CACNB2: variants seen among roughly 807,000 people sequenced by gnomAD.
The protein encoded by CACNB2 is voltage-dependent L-type calcium channel subunit beta-2.
CACNB2 carries 42 observed loss-of-function variants against 73.3 expected under a neutral mutation model. The observed-to-expected ratio is 0.57, with a 90% CI of 0.45 to 0.74. The LOEUF is 0.74. Among genes scored for constraint, CACNB2 ranks in the 30% least tolerant of loss-of-function variants. CACNB2 has a pLI of 0.00. For synonymous variants in CACNB2, 348 were observed against 310.3 expected (o/e 1.12, Z -1.28); for missense variants, 940 against 853.0 (o/e 1.10, Z -1.27).
chr10:18,313,590 C>G (rs891768583), intron 2 of CACNB2, among the ~76,000 whole-genome samples: 3 of 152,136 alleles, frequency 2.0e-5, no homozygotes, highest in African/African-American at 7.2e-5. Flanking sequence ...TATCTCAACA[C>G]TTCCTTTTCC....
At chr10:18,266,545 T>A (rs988900342) in intron 2 of CACNB2, among the ~76,000 whole-genome samples, 1 of 152,032 alleles carries the variant, frequency 6.6e-6, no homozygotes, top group Non-Finnish European at 1.5e-5. Flanking sequence ...GGTTGTTCAC[T>A]CACAATTCAT....
chr10:18,189,925 T>C (rs1406241800), intron 2 of CACNB2, among the ~76,000 whole-genome samples: 1 of 152,208 alleles, frequency 6.6e-6, no homozygotes, highest in East Asian at 1.9e-4. Flanking sequence ...CCCGACACCC[T>C]GGGCACCTTG....
intron 2 of CACNB2, among the ~76,000 whole-genome samples, chr10:18,299,513 C>T (rs919562763): frequency 2.0e-5 from 3 of 152,068 alleles, no homozygotes; most frequent in Non-Finnish European, 4.4e-5. Flanking sequence ...GGTCACTTTC[C>T]CAGCCTGGGC....
rs574768372 is a variant in CACNB2 at position 18,256,596 on chromosome 10, T to TG, written c.213+105623dup. On this transcript the variant is annotated intron_variant, in intron 2 of 13. Coordinates refer to ENST00000324631, the MANE Select transcript of CACNB2 (RefSeq NM_201596.3). ...CACTCCCCCGCCTCCTCCACAGGCT[T>TG]GGATCTGTGAATTCATCATTCATTC... 119 of 152,300 alleles carry TG rather than the reference T, an allele frequency of 7.8e-4. 1 individual carries two copies. Among genetic ancestry groups the TG allele is most frequent in the African/African-American group, 2.7e-3 (112 of 41,546 alleles). The allele number at this position is 152,300 out of a possible 1,614,324, so 9.4% of individuals were successfully genotyped here.
At chr10:18,265,938 T>C (rs531126148) in intron 2 of CACNB2, among the ~76,000 whole-genome samples, 2 of 152,300 alleles carry the variant, frequency 1.3e-5, no homozygotes, top group South Asian at 4.1e-4. Flanking sequence ...GACTAGATAC[T>C]GGAAGGTAAT....
At chr10:18,400,560 TC>T in intron 2 of CACNB2, 2 of 983,068 alleles carry the variant, frequency 2.0e-6, no homozygotes, top group Non-Finnish European at 1.2e-6. Flanking sequence ...TCCCTCCGCC[TC>T]CCCCCTCCCC....
At chr10:18,262,768 A>C (rs1294858792) in intron 2 of CACNB2, among the ~76,000 whole-genome samples, 1 of 152,240 alleles carries the variant, frequency 6.6e-6, no homozygotes, top group African/African-American at 2.4e-5. Context: ...GAAGAAATCC[A>C]TGGTTATGTG....
chr10:18,538,066 C>G (rs1036939996), intron 12 of CACNB2, 114 bp from the exon 13 acceptor site: 5 of 953,734 alleles, frequency 5.2e-6, no homozygotes, highest in Admixed American at 1.7e-5. Flanking sequence ...CTTATAGAAG[C>G]AGGAGCAAGT....
chr10:18,283,024 A>G lies in CACNB2; in HGVS notation c.214-118900A>G, dbSNP rs541629083. On this transcript the variant is annotated intron_variant, in intron 2 of 13. Transcript: ENST00000324631. The stretch of plus-strand genomic sequence containing the variant: ...AAGTGGGCAAAGGATATCAACAGAC[A>G]CTTCTCAAAAGAAGACATTTATGCA... Among the ~76,000 whole-genome samples, 35 of 152,354 alleles carry G rather than the reference A, an allele frequency of 2.3e-4. No homozygotes were observed. The East Asian group carries it at 2.9e-3, about 13-fold the overall frequency.
At chr10:18,538,710 C>G (rs933003765) in intron 13 of CACNB2, among the ~76,000 whole-genome samples, 2 of 152,108 alleles carry the variant, frequency 1.3e-5, no homozygotes, top group Admixed American at 1.3e-4. Context: ...ATAATGGCAA[C>G]CTGTCCAAGA....
intron 1 of CACNB2, among the ~76,000 whole-genome samples, chr10:18,148,780 A>C (rs1402153862): frequency 6.6e-6 from 1 of 152,090 alleles, no homozygotes; most frequent in African/African-American, 2.4e-5. Context: ...GAATTGCTTA[A>C]AGTCATGAGT....
intron 3 of CACNB2, among the ~76,000 whole-genome samples, chr10:18,472,221 C>CTTTTTTT (rs200348808): frequency 4.5e-4 from 54 of 119,386 alleles, no homozygotes; most frequent in Non-Finnish European, 5.4e-4. Context: ...CACTTTTCTT[C>CTTTTTTT]TTTTTTTTTT....
chr10:18,185,832 G>A (rs1025551984), intron 2 of CACNB2, among the ~76,000 whole-genome samples: 4 of 152,026 alleles, frequency 2.6e-5, no homozygotes, highest in Non-Finnish European at 5.9e-5. Context: ...TTGGGATATG[G>A]TAGAGAACAA....
At chr10:18,207,842 A>G (rs2035158212) in intron 2 of CACNB2, among the ~76,000 whole-genome samples, 1 of 152,192 alleles carries the variant, frequency 6.6e-6, no homozygotes, top group Admixed American at 6.5e-5. Context: ...CTATTTGTCA[A>G]TTTAAAAAAT....
In CACNB2 at chr10:18,245,230, G is replaced by C. The variant is rs2036814769; in HGVS notation, c.213+94255G>C. ...AACACATACAGGCACACAGTGTGTA[G>C]AAATGTCTTCTATGTGTCTTTTTTG... On this transcript the variant is annotated intron_variant, in intron 2 of 13. Coordinates refer to ENST00000324631, the MANE Select transcript of CACNB2 (RefSeq NM_201596.3). 3.3e-5 allele frequency among the ~76,000 whole-genome samples: 5 copies of C among 149,924 alleles called. No individual in the cohort carries two copies. In the South Asian group the frequency reaches 8.3e-4, roughly 25 times the overall value.
intron 2 of CACNB2, among the ~76,000 whole-genome samples, chr10:18,304,932 T>G (rs1190849415): frequency 1.3e-5 from 2 of 152,248 alleles, no homozygotes. Context: ...TGTGCATTAT[T>G]CTTGGAATAA....
chr10:18,220,676 G>A (rs1370010126), intron 2 of CACNB2, among the ~76,000 whole-genome samples: 1 of 152,122 alleles, frequency 6.6e-6, no homozygotes, highest in Non-Finnish European at 1.5e-5. Context: ...GTGAGCGCCT[G>A]GCAAGCAAGC....
At chr10:18,443,020 A>ATATATATATATGTATATATATGTG (rs2046547343) in intron 3 of CACNB2, among the ~76,000 whole-genome samples, 1 of 107,086 alleles carries the variant, frequency 9.3e-6, no homozygotes, top group Non-Finnish European at 1.8e-5. Context: ...ATATGTATAT[A>ATATATATATATGTATATATATGTG]TATATATATA....
chr10:18,166,543 G>A (rs184136620), intron 2 of CACNB2, among the ~76,000 whole-genome samples: 26 of 152,232 alleles, frequency 1.7e-4, no homozygotes, highest in African/African-American at 5.5e-4. Flanking sequence ...TGTTTTAATC[G>A]CTAAACTCAT....
Sources: allele counts gnomAD v4.1 joint callset (sites outside exome capture counted in the v4.1 genomes callset), GRCh38; gene constraint gnomAD v4.1.1; transcripts MANE v1.5; gene names NCBI Gene and HGNC (gene_info 2026-07-23, HGNC 2026-07-21).